The following RNF111 variants were observed in gnomAD, a reference collection of about 807,000 sequenced individuals.
RNF111 encodes E3 ubiquitin-protein ligase Arkadia.
Under a neutral mutation model 95.1 loss-of-function variants are expected in RNF111, and 17 were observed. The ratio of observed to expected loss-of-function variants is 0.18; its 90% CI spans 0.12 to 0.27. RNF111 has a LOEUF of 0.27. RNF111 is among the 10% of genes least tolerant of loss of function. The probability of loss-of-function intolerance (pLI) is 1.00; values close to 1 mark genes in which losing one functional copy is unlikely to be tolerated. For synonymous variants in RNF111, 440 were observed against 414.8 expected (o/e 1.06, Z -0.74); for missense variants, 1,189 against 1,210.4 (o/e 0.98, Z 0.26).
intron 2 of RNF111, among the ~76,000 whole-genome samples, chr15:59,032,745 A>C (rs2040976662): frequency 6.6e-6 from 1 of 152,206 alleles, no homozygotes; most frequent in South Asian, 2.1e-4. Flanking sequence ...ATAGCTGAAA[A>C]GTAATTTCAA....
Position 59,018,782 on chromosome 15 carries a change from C to T in RNF111, c.-19-12022C>T, listed in dbSNP as rs112156647. Among the ~76,000 whole-genome samples the T allele has an allele frequency of 8.3e-3, 1,261 of 152,170 alleles. 21 individuals are homozygous for T. The highest frequency in any genetic ancestry group is 0.029 in the African/African-American group (1,202 of 41,506). On this transcript the variant is annotated intron_variant, in intron 1 of 13. Transcript: ENST00000348370. The stretch of plus-strand genomic sequence containing the variant: ...CCATAACAGTTTGTACAAATCCTGC[C>T]TGATTTTAAAAGGCTGCTTAGCAGT...
intron 3 of RNF111, among the ~76,000 whole-genome samples, chr15:59,053,325 A>G (rs758702490): frequency 1.4e-4 from 22 of 152,356 alleles, no homozygotes; most frequent in Admixed American, 6.5e-4. Flanking sequence ...GATTATAAGT[A>G]TTGGTAATAA....
At chr15:59,075,877 T>G in intron 6 of RNF111, 77 bp from the exon 7 acceptor site, 1 of 1,466,730 alleles carries the variant, frequency 6.8e-7, no homozygotes, top group East Asian at 2.4e-5. Context: ...TTGGTTATAT[T>G]AGGAATACTT....
At chr15:59,058,910 G>T (rs147326688) in intron 5 of RNF111, among the ~76,000 whole-genome samples, 5 of 152,236 alleles carry the variant, frequency 3.3e-5, no homozygotes, top group African/African-American at 9.6e-5. Flanking sequence ...CCTACAGAAT[G>T]GGGGGAAGAA....
intron 1 of RNF111, among the ~76,000 whole-genome samples, chr15:59,003,219 G>A (rs1253313408): frequency 1.3e-5 from 2 of 151,658 alleles, no homozygotes; most frequent in South Asian, 2.1e-4. Flanking sequence ...GGGCTCAAGC[G>A]ATCCTCCCAC....
chr15:59,033,589 C>G (rs2041020474), intron 2 of RNF111, among the ~76,000 whole-genome samples: 1 of 152,112 alleles, frequency 6.6e-6, no homozygotes, highest in Admixed American at 6.5e-5. Context: ...TCAGTTTGTG[C>G]TCGAAGTCAG....
intron 1 of RNF111, among the ~76,000 whole-genome samples, chr15:59,012,331 TTAA>T (rs779915663): frequency 7.2e-5 from 11 of 152,202 alleles, no homozygotes; most frequent in Middle Eastern, 3.2e-3. Flanking sequence ...CTGTTCTGTC[TTAA>T]TTTCCACTTA....
At chr15:59,061,765 A>C (rs1308669210) in intron 5 of RNF111, among the ~76,000 whole-genome samples, 1 of 152,136 alleles carries the variant, frequency 6.6e-6, no homozygotes, top group Non-Finnish European at 1.5e-5. Context: ...TCATTTCCTT[A>C]GTACATGCAC....
In RNF111 at chr15:59,097,262, C is replaced by A. The variant is rs2079187760; in HGVS notation, c.*2362C>A. 1 of 152,182 alleles carries A rather than the reference C, an allele frequency of 6.6e-6. No homozygotes were observed. The highest frequency in any genetic ancestry group is 2.4e-5 in the African/African-American group (1 of 41,438). 9.4% of individuals were successfully genotyped at this position (152,182 alleles called of 1,614,324 possible). On this transcript the variant is annotated 3_prime_UTR_variant, in exon 14 of 14. Coordinates refer to ENST00000348370, the MANE Select transcript of RNF111 (RefSeq NM_017610.8). ...GTCCAAATACATAAAAACTAAAATT[C>A]TTTTGTTAGCAAGTCCTTATTTTTA...
intron 1 of RNF111, among the ~76,000 whole-genome samples, chr15:59,007,228 A>G (rs980248266): frequency 3.3e-5 from 5 of 151,910 alleles, no homozygotes; most frequent in African/African-American, 1.2e-4. Context: ...CTTCCTTGTC[A>G]GTCCTTTCCC....
chr15:59,085,941 A>G (rs1177164060), intron 10 of RNF111, among the ~76,000 whole-genome samples, 156 bp downstream of exon 10: 1 of 152,212 alleles, frequency 6.6e-6, no homozygotes, highest in African/African-American at 2.4e-5. Flanking sequence ...TATTAGATGT[A>G]TTAAAATCTG....
intron 1 of RNF111, among the ~76,000 whole-genome samples, chr15:59,010,614 C>T (rs2039755263): frequency 6.6e-6 from 1 of 152,098 alleles, no homozygotes; most frequent in African/African-American, 2.4e-5. Flanking sequence ...GTTGACCAGG[C>T]TGGTCTTGAA....
chr15:59,075,628 G>A (rs140572228), intron 6 of RNF111, among the ~76,000 whole-genome samples: 15 of 152,254 alleles, frequency 9.9e-5, no homozygotes, highest in African/African-American at 3.4e-4. Flanking sequence ...GATTTTTAAA[G>A]TTTCTAAGAT....
rs555032287 is a variant in RNF111 at position 58,991,260 on chromosome 15, A to G, written c.-20+3192A>G. ...TCCACTGAGCTGAGATCTGCACTCC[A>G]GCCTGGGTGACAGAGCAAGACTCCA... On this transcript the variant is annotated intron_variant, in intron 1 of 13. Coordinates refer to ENST00000348370, the MANE Select transcript of RNF111 (RefSeq NM_017610.8). Among the ~76,000 whole-genome samples, 10 of 152,262 alleles carry G rather than the reference A, an allele frequency of 6.6e-5. No individual in the cohort carries two copies. The East Asian group carries it at 1.9e-3, about 29-fold the overall frequency.
At chr15:58,995,861 A>G (rs2039048501) in intron 1 of RNF111, among the ~76,000 whole-genome samples, 1 of 148,400 alleles carries the variant, frequency 6.7e-6, no homozygotes, top group Non-Finnish European at 1.5e-5. Flanking sequence ...TCAGTCTTGG[A>G]ATGAGCCGTT....
chr15:59,060,990 T>C (rs1159733310), intron 5 of RNF111, among the ~76,000 whole-genome samples: 1 of 151,954 alleles, frequency 6.6e-6, no homozygotes, highest in South Asian at 2.1e-4. Flanking sequence ...GGTTTTGCCA[T>C]GTTGCCGTGT....
At chr15:59,042,746 G>A (rs973685482) in intron 2 of RNF111, among the ~76,000 whole-genome samples, 24 of 152,026 alleles carry the variant, frequency 1.6e-4, no homozygotes, top group African/African-American at 5.8e-4. Flanking sequence ...ATGCATTTGG[G>A]CCTGTTTATG....
intron 10 of RNF111, among the ~76,000 whole-genome samples, chr15:59,088,822 CTG>C (rs1314996699): frequency 6.6e-6 from 1 of 152,184 alleles, no homozygotes; most frequent in Non-Finnish European, 1.5e-5. Context: ...GCCAACAACA[CTG>C]TAACTCATGC....
chr15:59,077,492 G>A (rs566919575), intron 7 of RNF111, among the ~76,000 whole-genome samples: 53 of 152,114 alleles, frequency 3.5e-4, no homozygotes, highest in Non-Finnish European at 7.1e-4. Flanking sequence ...CACATAGATA[G>A]GTATATGTCT....
Sources: gnomAD v4.1 joint callset for allele counts (sites outside exome capture counted in the v4.1 genomes callset) on GRCh38, gnomAD v4.1.1 for gene constraint, MANE v1.5 for transcripts, NCBI Gene and HGNC (gene_info 2026-07-23, HGNC 2026-07-21) for gene names.